The following KCNQ3 variants were observed in gnomAD, a reference collection of about 807,000 sequenced individuals.
The protein encoded by KCNQ3 is potassium voltage-gated channel subfamily KQT member 3.
Under a neutral mutation model 92.5 loss-of-function variants are expected in KCNQ3, and 30 were observed. The ratio of observed to expected loss-of-function variants is 0.32; its 90% CI spans 0.24 to 0.44. The LOEUF (loss-of-function observed/expected upper bound fraction) is 0.44. Among genes scored for constraint, KCNQ3 ranks in the 20% least tolerant of loss-of-function variants. The pLI, the probability that KCNQ3 is intolerant of heterozygous loss-of-function variation, is 1.00. For synonymous variants in KCNQ3, 450 were observed against 468.8 expected, an observed-to-expected ratio of 0.96 and a Z score of 0.52; for missense variants, 913 against 1,140.3, an observed-to-expected ratio of 0.80 and a Z score of 2.87.
intron 1 of KCNQ3, among the ~76,000 whole-genome samples, chr8:132,281,125 T>C (rs1816499267): frequency 6.6e-6 from 1 of 152,164 alleles, no homozygotes; most frequent in Non-Finnish European, 1.5e-5. Flanking sequence ...ATAGTCCACA[T>C]CAGCCCTGTG....
chr8:132,296,960 G>A lies in KCNQ3; in HGVS notation c.387-110779C>T, dbSNP rs560811219. 4.1e-4 allele frequency among the ~76,000 whole-genome samples: 63 copies of A among 152,154 alleles called. 1 individual carries two copies. Among genetic ancestry groups the A allele is most frequent in the Admixed American group, 2.3e-3 (35 of 15,282 alleles). ...TCTAGTTCTAGATCACTGAGGAATCGCCACACTGACTTCCACAATGGTTGA... is the reference window on the plus strand; with the variant it reads ...TCTAGTTCTAGATCACTGAGGAATCACCACACTGACTTCCACAATGGTTGA... On this transcript the variant is annotated intron_variant, in intron 1 of 14. Transcript: ENST00000388996.
intron 1 of KCNQ3, among the ~76,000 whole-genome samples, chr8:132,306,630 C>T (rs1437875996): frequency 2.6e-5 from 4 of 152,186 alleles, no homozygotes; most frequent in Non-Finnish European, 5.9e-5. Context: ...AAGGGGACAA[C>T]ACTATAGGAA....
chr8:132,208,386 C>T (rs1813736385), intron 1 of KCNQ3, among the ~76,000 whole-genome samples: 1 of 151,820 alleles, frequency 6.6e-6, no homozygotes, highest in Non-Finnish European at 1.5e-5. Flanking sequence ...CTTTGAGACC[C>T]CTAAGTTAAG....
At chr8:132,137,628 ATTTAAATGTGTGCTTTCT>A (rs1265598238) in intron 12 of KCNQ3, among the ~76,000 whole-genome samples, 5 of 152,200 alleles carry the variant, frequency 3.3e-5, no homozygotes, top group Non-Finnish European at 7.3e-5. Context: ...GTCAGAAGCC[ATTTAAATGTGTGCTTTCT>A]CCTCTCTGAC....
chr8:132,186,876 TA>T (rs1438314591), intron 1 of KCNQ3, among the ~76,000 whole-genome samples: 2 of 151,368 alleles, frequency 1.3e-5, no homozygotes, highest in Non-Finnish European at 2.9e-5. Context: ...AACAATTTTT[TA>T]AGATTGTTAT....
chr8:132,155,954 G>A (rs1825785934), intron 9 of KCNQ3, among the ~76,000 whole-genome samples: 1 of 152,082 alleles, frequency 6.6e-6, no homozygotes, highest in African/African-American at 2.4e-5. Context: ...AGTTAAACAG[G>A]TTTGCAAAAT....
intron 1 of KCNQ3, among the ~76,000 whole-genome samples, chr8:132,451,233 A>G (rs774548303): frequency 4.6e-5 from 7 of 152,202 alleles, no homozygotes; most frequent in African/African-American, 7.2e-5. Context: ...GTAAAACGTG[A>G]CTTTGCTTCT....
intron 1 of KCNQ3, among the ~76,000 whole-genome samples, chr8:132,332,783 C>T (rs1260628699): frequency 2.6e-5 from 4 of 152,214 alleles, no homozygotes; most frequent in African/African-American, 4.8e-5. Context: ...CAACTTACCA[C>T]GACTGTTCCA....
rs756724204 is a variant in KCNQ3 at position 132,198,163 on chromosome 8, G to A, written c.387-11982C>T. ...TGAAGTTGCTGTGCTAGAGAAGCCCGTGTAGTATAGAACCAAATGTGGCCT... is the reference window on the plus strand; with the variant it reads ...TGAAGTTGCTGTGCTAGAGAAGCCCATGTAGTATAGAACCAAATGTGGCCT... On this transcript the variant is annotated intron_variant, in intron 1 of 14. Coordinates refer to ENST00000388996, the MANE Select transcript of KCNQ3 (RefSeq NM_004519.4). 1.2e-4 allele frequency among the ~76,000 whole-genome samples: 18 copies of A among 152,330 alleles called. No homozygotes were observed. The East Asian group carries it at 1.5e-3, about 13-fold the overall frequency.
intron 1 of KCNQ3, among the ~76,000 whole-genome samples, chr8:132,351,089 G>A (rs1340976618): frequency 3.9e-5 from 6 of 151,974 alleles, no homozygotes; most frequent in Non-Finnish European, 5.9e-5. Context: ...TTCCCCCACA[G>A]TGACAGATCC....
chr8:132,260,658 A>G (rs1244453394), intron 1 of KCNQ3, among the ~76,000 whole-genome samples: 1 of 152,058 alleles, frequency 6.6e-6, no homozygotes, highest in Non-Finnish European at 1.5e-5. Context: ...TCTCCAATCT[A>G]TTCCCATCCT....
At chr8:132,305,017 C>T (rs950820745) in intron 1 of KCNQ3, among the ~76,000 whole-genome samples, 7 of 152,092 alleles carry the variant, frequency 4.6e-5, no homozygotes, top group Admixed American at 3.3e-4. Context: ...CATTTGTTCC[C>T]CAGAGCCATT....
chr8:132,180,828 A>AGG (rs1826735132), intron 3 of KCNQ3, among the ~76,000 whole-genome samples: 1 of 85,710 alleles, frequency 1.2e-5, no homozygotes, highest in African/African-American at 5.0e-5. Context: ...AAGGAGAGAG[A>AGG]GAATGTTAAA....
At chr8:132,232,470 C>A (rs1414662025) in intron 1 of KCNQ3, among the ~76,000 whole-genome samples, 15 of 152,204 alleles carry the variant, frequency 9.9e-5, no homozygotes, top group Non-Finnish European at 2.9e-5. Flanking sequence ...ATCTACTATG[C>A]TCCTAGCTCT....
intron 4 of KCNQ3, among the ~76,000 whole-genome samples, chr8:132,176,520 T>G (rs1239590115): frequency 1.3e-5 from 2 of 152,208 alleles, no homozygotes; most frequent in Non-Finnish European, 2.9e-5. Context: ...CTGAGTCATC[T>G]CAGAGAACAA....
At chr8:132,300,240 T>A (rs1231625078) in intron 1 of KCNQ3, among the ~76,000 whole-genome samples, 2 of 152,200 alleles carry the variant, frequency 1.3e-5, no homozygotes, top group Non-Finnish European at 2.9e-5. Flanking sequence ...GACACCATTT[T>A]TTTTTGCATT....
chr8:132,314,279 C>A (rs1817678329), intron 1 of KCNQ3, among the ~76,000 whole-genome samples: 1 of 152,116 alleles, frequency 6.6e-6, no homozygotes, highest in Admixed American at 6.5e-5. Flanking sequence ...ATAACTCCAG[C>A]AACCATATGA....
At chr8:132,133,354 CTT>C (rs10673519) in intron 13 of KCNQ3, among the ~76,000 whole-genome samples, 5 of 103,486 alleles carry the variant, frequency 4.8e-5, no homozygotes, top group Admixed American at 2.5e-4. Context: ...GCTCTCGATT[CTT>C]TTTTTTTTTT....
chr8:132,467,995 T>G (rs927853782), intron 1 of KCNQ3, among the ~76,000 whole-genome samples: 3 of 152,176 alleles, frequency 2.0e-5, no homozygotes, highest in African/African-American at 7.2e-5. Flanking sequence ...TGTTTCCTCT[T>G]CTCAAAGTTC....
Sources: allele counts gnomAD v4.1 joint callset (sites outside exome capture counted in the v4.1 genomes callset), GRCh38; gene constraint gnomAD v4.1.1; transcripts MANE v1.5; gene names NCBI Gene and HGNC (gene_info 2026-07-23, HGNC 2026-07-21).